ENOX1: variants seen among roughly 807,000 people sequenced by gnomAD.
The protein encoded by ENOX1 is candidate growth-related and time keeping constitutive hydroquinone (NADH) oxidase.
In ENOX1, 42 loss-of-function variants were observed where a neutral mutation model predicts 82.5. The observed-to-expected ratio is 0.51, with a 90% CI of 0.40 to 0.66. The LOEUF is 0.66. Ranked by LOEUF, ENOX1 falls within the 30% of genes least tolerant of loss-of-function variation. The probability of loss-of-function intolerance (pLI) is 0.00; values close to 1 mark genes in which losing one functional copy is unlikely to be tolerated. For missense variants in ENOX1, 608 were observed against 811.6 expected (o/e 0.75, Z 3.05); for synonymous variants, 271 against 282.2 (o/e 0.96, Z 0.40).
intron 14 of ENOX1, among the ~76,000 whole-genome samples, chr13:43,238,516 T>C (rs1301832288): frequency 1.3e-5 from 2 of 152,134 alleles, no homozygotes; most frequent in African/African-American, 2.4e-5. Flanking sequence ...ATTCTGTTAG[T>C]TGTATGCCCT....
intron 11 of ENOX1, among the ~76,000 whole-genome samples, chr13:43,321,642 C>A (rs562736364): frequency 3.2e-4 from 49 of 152,316 alleles, no homozygotes; most frequent in African/African-American, 9.9e-4. Context: ...CAAATCTATA[C>A]CATCTCTGTA....
chr13:43,411,635 C>A (rs2054132667), intron 5 of ENOX1, among the ~76,000 whole-genome samples: 1 of 152,160 alleles, frequency 6.6e-6, no homozygotes, highest in African/African-American at 2.4e-5. Context: ...AATTGGAAAG[C>A]AAATATTAGC....
chr13:43,659,863 T>C (rs1042962679), intron 2 of ENOX1, among the ~76,000 whole-genome samples: 1 of 152,212 alleles, frequency 6.6e-6, no homozygotes, highest in Non-Finnish European at 1.5e-5. Context: ...TTGTCATTCT[T>C]GGGATTTGGT....
intron 2 of ENOX1, among the ~76,000 whole-genome samples, chr13:43,579,767 A>C (rs2080620198): frequency 6.6e-6 from 1 of 152,206 alleles, no homozygotes; most frequent in East Asian, 1.9e-4. Context: ...TCTTCAAATA[A>C]GTCAAAAACA....
intron 9 of ENOX1, among the ~76,000 whole-genome samples, chr13:43,337,278 A>C (rs2048767903): frequency 6.6e-6 from 1 of 152,246 alleles, no homozygotes; most frequent in African/African-American, 2.4e-5. Flanking sequence ...TGCCAGGTCC[A>C]GAAGTGGCAC....
intron 10 of ENOX1, among the ~76,000 whole-genome samples, 188 bp downstream of exon 10, chr13:43,326,231 C>T (rs76769841): frequency 2.4e-4 from 36 of 152,232 alleles, no homozygotes; most frequent in African/African-American, 8.7e-4. Flanking sequence ...ACTGTGTTCC[C>T]TAAGTGTTAA....
At chr13:43,605,654 A>G (rs563360888) in intron 2 of ENOX1, among the ~76,000 whole-genome samples, 1 of 152,316 alleles carries the variant, frequency 6.6e-6, no homozygotes, top group African/African-American at 2.4e-5. Context: ...CAAAAATCAA[A>G]TAACAATGGA....
chr13:43,594,056 G>A (rs1234939077), intron 2 of ENOX1, among the ~76,000 whole-genome samples: 1 of 152,132 alleles, frequency 6.6e-6, no homozygotes, highest in East Asian at 1.9e-4. Context: ...GGGATTACAA[G>A]AGGGCAAAAT....
At chr13:43,717,341 G>C (rs947976416) in intron 1 of ENOX1, among the ~76,000 whole-genome samples, 1 of 152,188 alleles carries the variant, frequency 6.6e-6, no homozygotes, top group African/African-American at 2.4e-5. Flanking sequence ...CTAGCCATAT[G>C]CAGAAGAATG....
intron 3 of ENOX1, among the ~76,000 whole-genome samples, chr13:43,478,073 T>G (rs1043332708): frequency 2.0e-5 from 3 of 149,686 alleles, no homozygotes; most frequent in African/African-American, 7.4e-5. Flanking sequence ...TTTTTTTTTT[T>G]TTTTTTTCAT....
chr13:43,417,965 T>C (rs2054728565), intron 3 of ENOX1, among the ~76,000 whole-genome samples: 1 of 152,178 alleles, frequency 6.6e-6, no homozygotes, highest in African/African-American at 2.4e-5. Flanking sequence ...TCCCAGCACT[T>C]TGGGAGGCCG....
intron 2 of ENOX1, among the ~76,000 whole-genome samples, chr13:43,578,542 A>G (rs1336581385): frequency 6.6e-6 from 1 of 152,192 alleles, no homozygotes; most frequent in Non-Finnish European, 1.5e-5. Context: ...TTCATGTGTT[A>G]TCTTCTCAGA....
At chr13:43,445,025 A>G (rs2056551212) in intron 3 of ENOX1, among the ~76,000 whole-genome samples, 1 of 152,118 alleles carries the variant, frequency 6.6e-6, no homozygotes, top group Non-Finnish European at 1.5e-5. Context: ...ATGAGAAGCA[A>G]GGACTGGACT....
intron 1 of ENOX1, among the ~76,000 whole-genome samples, chr13:43,680,009 C>T (rs973463914): frequency 6.6e-6 from 1 of 152,194 alleles, no homozygotes; most frequent in South Asian, 2.1e-4. Context: ...CAAAAGAAGT[C>T]AACTGCATTC....
intron 10 of ENOX1, among the ~76,000 whole-genome samples, chr13:43,322,726 G>C (rs893400655): frequency 1.3e-5 from 2 of 152,144 alleles, no homozygotes; most frequent in Non-Finnish European, 2.9e-5. Flanking sequence ...GGGCTCTTTA[G>C]CAAATAATTT....
At chr13:43,409,199 C>A (rs1285889781) in intron 5 of ENOX1, among the ~76,000 whole-genome samples, 2 of 151,924 alleles carry the variant, frequency 1.3e-5, no homozygotes, top group African/African-American at 4.8e-5. Context: ...TAATAGGATG[C>A]CATTTTTGCA....
At chr13:43,736,933 TTAAA>T (rs2089660865) in intron 1 of ENOX1, among the ~76,000 whole-genome samples, 1 of 152,178 alleles carries the variant, frequency 6.6e-6, no homozygotes, top group African/African-American at 2.4e-5. Context: ...TCAGCTAGCC[TTAAA>T]TAGTCAATGT....
intron 1 of ENOX1, among the ~76,000 whole-genome samples, chr13:43,761,081 T>C (rs1481777555): frequency 6.6e-6 from 1 of 151,456 alleles, no homozygotes; most frequent in Non-Finnish European, 1.5e-5. Context: ...AGATTCTAAG[T>C]GAGCTGCCCA....
chr13:43,765,905 T>C (rs1951234887), intron 1 of ENOX1, among the ~76,000 whole-genome samples: 1 of 152,186 alleles, frequency 6.6e-6, no homozygotes, highest in Non-Finnish European at 1.5e-5. Context: ...ACATACAGTC[T>C]GCCTATACTC....
Sources: allele counts gnomAD v4.1 joint callset (sites outside exome capture counted in the v4.1 genomes callset), GRCh38; gene constraint gnomAD v4.1.1; transcripts MANE v1.5; gene names NCBI Gene and HGNC (gene_info 2026-07-23, HGNC 2026-07-21).